Variants in CCT8 observed in about 807,000 individuals in gnomAD.
CCT8 encodes the protein chaperonin containing TCP1 subunit 8, also known as T-complex protein 1 subunit theta.
In CCT8, 10 loss-of-function variants were observed where a neutral mutation model predicts 65.7. That is an observed-to-expected ratio of 0.15 (90% CI 0.09 to 0.26). The LOEUF (loss-of-function observed/expected upper bound fraction) is 0.26, where lower values mean the gene tolerates loss of function less well. Ranked by LOEUF, CCT8 falls within the 10% of genes least tolerant of loss-of-function variation. The pLI is 1.00. For missense variants in CCT8, 568 were observed against 669.1 expected, an observed-to-expected ratio of 0.85 and a Z score of 1.67; for synonymous variants, 199 against 221.8, an observed-to-expected ratio of 0.90 and a Z score of 0.92.
chr21:29,071,844 G>C, intron 1 of CCT8: 1 of 674,342 alleles, frequency 1.5e-6, no homozygotes, highest in South Asian at 1.6e-5. Context: ...CCATACTTAA[G>C]ACCCTTCAAT....
chr21:29,062,306 A>G (rs748215410), intron 10 of CCT8, 22 bp downstream of exon 10: 1 of 1,607,690 alleles, frequency 6.2e-7, no homozygotes, highest in Non-Finnish European at 8.5e-7. Context: ...ACACTTAAAC[A>G]TGTTTTACCA....
intron 13 of CCT8, 99 bp downstream of exon 13, chr21:29,061,154 G>C (rs2085558539): frequency 1.0e-6 from 1 of 975,848 alleles, no homozygotes; most frequent in Admixed American, 2.3e-5. Flanking sequence ...TCCCAAATCA[G>C]AACACTGTTT....
At chr21:29,056,686 GCA>G (rs1191842857) in intron 14 of CCT8, 134 bp from the exon 15 acceptor site, 3 of 439,540 alleles carry the variant, frequency 6.8e-6, no homozygotes, top group Admixed American at 4.3e-5. Flanking sequence ...AAACACTACA[GCA>G]CAGAGTTTGC....
rs142519785 is a variant in CCT8 at position 29,060,665 on chromosome 21, C to CAAA, written c.1450-8_1450-6dup. ...CTTTACAGCAGGGACTTCAGCCTGT[C>CAAA]AAACACAATTTTCATCCTTTCATTT... On this transcript the variant is annotated splice_polypyrimidine_tract_variant and splice_region_variant and intron_variant, in intron 13 of 14. Coordinates refer to ENST00000286788, the MANE Select transcript of CCT8 (RefSeq NM_006585.4). 16 of 1,610,968 alleles carry CAAA rather than the reference C, an allele frequency of 9.9e-6. No homozygotes were observed. Among genetic ancestry groups the CAAA allele is most frequent in the Admixed American group, 1.7e-5 (1 of 59,096 alleles).
In CCT8 at chr21:29,067,558, C is replaced by G; in HGVS notation, c.379G>C (p.Glu127Gln). 1 of 1,460,002 alleles carries G rather than the reference C, an allele frequency of 6.8e-7. No individual in the cohort carries two copies. The highest frequency in any genetic ancestry group is 1.6e-5 in the South Asian group (1 of 64,186). 90.4% of individuals were successfully genotyped at this position (1,460,002 alleles called of 1,614,324 possible). ...GTAAATTATAAATGAACACTTGCCT[C>G]TGAAACTGACAGGCCAATCCTCAGA... ...ELLRIGLSVS[E>Q]VIEGYEIACR... is the part of the protein sequence containing the mutation. The change falls in exon 4 of 15, where the codon GAG (glutamate) becomes CAG (glutamine). Residue 127 changes from glutamate (E) to glutamine (Q), a missense_variant and splice_region_variant. Coordinates refer to ENST00000286788, the MANE Select transcript of CCT8 (RefSeq NM_006585.4).
intron 14 of CCT8, chr21:29,059,528 T>G (rs1033844775): frequency 1.3e-5 from 2 of 152,242 alleles, no homozygotes; most frequent in Non-Finnish European, 2.9e-5. Context: ...CTACTTAGCT[T>G]CTTCCGTCCC....
chr21:29,061,356 G>A lies in CCT8; in HGVS notation c.1346C>T (p.Pro449Leu). 6.2e-7 allele frequency: 1 copy of A among 1,613,912 alleles called. No individual in the cohort carries two copies. Among genetic ancestry groups the A allele is most frequent in the South Asian group, 1.1e-5 (1 of 91,076 alleles). Residue 449 changes from proline to leucine, a missense_variant, in exon 13 of 15, where the codon CCC (proline) becomes CTC (leucine). Pro to Leu is a moderately conservative substitution (Grantham distance 98). Transcript: ENST00000286788. ...TCCAGAGTTTTCTGCCAGTGCGCGG[G>A]GAATAGCTTCAAATGCCTCAGCAAA... ...KKFAEAFEAI[P>L]RALAENSGVK...
At chr21:29,057,748 T>C (rs973412201) in intron 14 of CCT8, among the ~76,000 whole-genome samples, 163 of 92,182 alleles carry the variant, frequency 1.8e-3, no homozygotes, top group Non-Finnish European at 4.1e-3. Context: ...ATATATCATG[T>C]ATATGTATGA....
At chr21:29,066,679 G>A (rs373906785) in intron 6 of CCT8, 37 bp downstream of exon 6, 18 of 1,344,968 alleles carry the variant, frequency 1.3e-5, no homozygotes, top group Non-Finnish European at 1.7e-5. Flanking sequence ...CAAAAAAACT[G>A]ACCTAGATAT....
intron 14 of CCT8, 27 bp downstream of exon 14, chr21:29,060,514 T>C (rs1356963617): frequency 1.2e-6 from 2 of 1,610,648 alleles, no homozygotes; most frequent in Non-Finnish European, 1.7e-6. Context: ...TGAGTATTTT[T>C]AAAGATCAAA....
chr21:29,071,921 G>T (rs1267964035), intron 1 of CCT8: 1 of 701,880 alleles, frequency 1.4e-6, no homozygotes, highest in South Asian at 1.5e-5. Flanking sequence ...TACGTATCCC[G>T]GCCCTTGTAT....
chr21:29,057,758 ATAT>A (rs1271897814), intron 14 of CCT8, among the ~76,000 whole-genome samples: 3 of 93,278 alleles, frequency 3.2e-5, no homozygotes, highest in African/African-American at 9.8e-5. Context: ...TATATGTATG[ATAT>A]GAGATATATA....
chr21:29,056,996 T>C (rs528025228), intron 14 of CCT8, among the ~76,000 whole-genome samples: 5 of 152,100 alleles, frequency 3.3e-5, no homozygotes, highest in African/African-American at 1.2e-4. Flanking sequence ...TAATCTAAAG[T>C]AGTTGATACA....
chr21:29,061,318 C>T lies in CCT8; in HGVS notation c.1384G>A (p.Glu462Lys). ...LAENSGVKANEVISKLYAVHQ... is the reference protein window; with the variant it reads ...LAENSGVKANKVISKLYAVHQ... ...ACTGCATAAAGTTTAGAGATTACTT[C>T]ATTGGCCTTAACTCCAGAGTTTTCT... The change falls in exon 13 of 15, where the codon GAA (glutamate) becomes AAA (lysine). Residue 462 changes from glutamate to lysine, a missense_variant. Physicochemically the swap from Glu to Lys is moderately conservative, Grantham distance 56. Transcript: ENST00000286788. 1 of 1,613,900 alleles carries T rather than the reference C, an allele frequency of 6.2e-7. No individual in the cohort carries two copies. The highest frequency in any genetic ancestry group is 8.5e-7 in the Non-Finnish European group (1 of 1,179,812).
At chr21:29,065,927 A>G (rs2146434090) in intron 6 of CCT8, among the ~76,000 whole-genome samples, 1 of 152,168 alleles carries the variant, frequency 6.6e-6, no homozygotes, top group Admixed American at 6.5e-5. Flanking sequence ...CTAAAAAAAT[A>G]CAAAAATTAG....
In CCT8 at chr21:29,062,229, C is replaced by T. The variant is rs752184452; in HGVS notation, c.1111G>A (p.Ala371Thr). 1.2e-5 allele frequency: 19 copies of T among 1,612,878 alleles called. No homozygotes were observed. The highest frequency in any genetic ancestry group is 8.8e-5 in the South Asian group (8 of 91,040). The change falls in exon 11 of 15, where the codon GCC becomes ACC. Residue 371 changes from alanine to threonine, a missense_variant. Transcript: ENST00000286788. ...CCTCGAAGTACTATGGTAGAAATGG[C>T]GCCATCTTCCTTTTCTATCAAAAAA... Reference protein sequence around the residue: ...VVFKHEKEDGAISTIVLRGST... With the variant: ...VVFKHEKEDGTISTIVLRGST...
chr21:29,058,508 T>G (rs770722246), intron 14 of CCT8, among the ~76,000 whole-genome samples: 2 of 151,916 alleles, frequency 1.3e-5, no homozygotes, highest in Non-Finnish European at 2.9e-5. Flanking sequence ...TAATCAAAAG[T>G]GCTCATTAAA....
At chr21:29,067,535 A>C in intron 4 of CCT8, 21 bp downstream of exon 4, 2 of 1,434,006 alleles carry the variant, frequency 1.4e-6, no homozygotes, top group Non-Finnish European at 1.8e-6. Flanking sequence ...TAGTAGGAGT[A>C]AATTATAAAT....
At chr21:29,065,990 GAA>G (rs984067412) in intron 6 of CCT8, among the ~76,000 whole-genome samples, 3 of 149,050 alleles carry the variant, frequency 2.0e-5, no homozygotes, top group Non-Finnish European at 3.0e-5. Flanking sequence ...GTTGAGGCAG[GAA>G]AACCACTTGA....
Sources: allele counts gnomAD v4.1 joint callset (sites outside exome capture counted in the v4.1 genomes callset), GRCh38; gene constraint gnomAD v4.1.1; transcripts MANE v1.5; gene names NCBI Gene and HGNC (gene_info 2026-07-23, HGNC 2026-07-21).